SPAG16: variants seen among roughly 807,000 people sequenced by gnomAD.
The protein encoded by SPAG16 is sperm associated antigen 16.
SPAG16 carries 86 observed loss-of-function variants against 80.4 expected under a neutral mutation model. The observed-to-expected ratio is 1.07, with a 90% confidence interval of 0.90 to 1.28. The LOEUF (loss-of-function observed/expected upper bound fraction) is 1.28. SPAG16 is among the 50% of genes most tolerant of loss of function. The pLI is 0.00. For synonymous variants in SPAG16, 294 were observed against 265.9 expected (o/e 1.11, Z -1.03); for missense variants, 870 against 765.3 (o/e 1.14, Z -1.61).
At chr2:213,516,154 A>G (rs2075415508) in intron 10 of SPAG16, among the ~76,000 whole-genome samples, 1 of 152,224 alleles carries the variant, frequency 6.6e-6, no homozygotes, top group South Asian at 2.1e-4. Context: ...GCTCAAAGGA[A>G]AAATTCAGCT....
chr2:214,383,588 A>G (rs1162606171), intron 15 of SPAG16, among the ~76,000 whole-genome samples: 6 of 150,694 alleles, frequency 4.0e-5, no homozygotes, highest in African/African-American at 1.2e-4. Context: ...AAGAAAAAAG[A>G]AAAAAAAAGA....
chr2:213,695,729 A>G (rs1302756695), intron 10 of SPAG16, among the ~76,000 whole-genome samples: 3 of 152,232 alleles, frequency 2.0e-5, no homozygotes, highest in Non-Finnish European at 2.9e-5. Flanking sequence ...TTCACAGGAA[A>G]GAATAAGCAC....
chr2:214,263,441 G>A (rs1413943117), intron 15 of SPAG16, among the ~76,000 whole-genome samples: 1 of 152,140 alleles, frequency 6.6e-6, no homozygotes, highest in Non-Finnish European at 1.5e-5. Context: ...CTTGATAGAA[G>A]CATATATCTT....
intron 1 of SPAG16, among the ~76,000 whole-genome samples, chr2:213,285,711 G>A (rs563847193): frequency 6.6e-6 from 1 of 152,310 alleles, no homozygotes; most frequent in South Asian, 2.1e-4. Context: ...ATTTTATTGG[G>A]TGCAAAAACG....
At chr2:213,630,436 C>T (rs1301396776) in intron 10 of SPAG16, among the ~76,000 whole-genome samples, 1 of 151,388 alleles carries the variant, frequency 6.6e-6, no homozygotes, top group Non-Finnish European at 1.5e-5. Context: ...ATATTGAGGG[C>T]ATAAGTTTCA....
intron 13 of SPAG16, among the ~76,000 whole-genome samples, chr2:214,087,996 T>G (rs1416803702): frequency 6.6e-6 from 1 of 151,730 alleles, no homozygotes; most frequent in Non-Finnish European, 1.5e-5. Context: ...TTAAAAGACC[T>G]GATATGTAAA....
At chr2:214,384,942 T>C (rs1700663556) in intron 15 of SPAG16, among the ~76,000 whole-genome samples, 1 of 152,208 alleles carries the variant, frequency 6.6e-6, no homozygotes, top group South Asian at 2.1e-4. Flanking sequence ...CTCCTTTCCA[T>C]ATTCACTGTC....
At chr2:213,325,085 T>C (rs968306278) in intron 5 of SPAG16, among the ~76,000 whole-genome samples, 1 of 152,096 alleles carries the variant, frequency 6.6e-6, no homozygotes, top group African/African-American at 2.4e-5. Flanking sequence ...TTTTGCTTGC[T>C]GATCTTATAA....
intron 10 of SPAG16, among the ~76,000 whole-genome samples, chr2:213,577,918 G>A (rs1008251441): frequency 6.6e-6 from 1 of 151,924 alleles, no homozygotes; most frequent in Admixed American, 6.6e-5. Flanking sequence ...TGCCTTTTAT[G>A]TTTGCTCTAT....
In SPAG16 at chr2:213,809,992, C is replaced by T. The variant is rs1050673902; in HGVS notation, c.1071-52493C>T. Among the ~76,000 whole-genome samples the T allele has an allele frequency of 2.6e-5, 4 of 152,088 alleles. No homozygotes were observed. The East Asian group carries it at 5.8e-4, about 22-fold the overall frequency. ...GATAAACCATACACCATGGCACCCA[C>T]GCATCGTACGAAAAGGATAGAAGCC... On this transcript the variant is annotated intron_variant, in intron 10 of 15. Coordinates refer to ENST00000331683, the MANE Select transcript of SPAG16 (RefSeq NM_024532.5).
At chr2:213,970,756 A>G (rs1368272236) in intron 12 of SPAG16, among the ~76,000 whole-genome samples, 1 of 152,262 alleles carries the variant, frequency 6.6e-6, no homozygotes, top group Non-Finnish European at 1.5e-5. Flanking sequence ...AACAATTCAC[A>G]TAATATGTAC....
At chr2:214,014,329 C>G in intron 13 of SPAG16, among the ~76,000 whole-genome samples, 1 of 152,134 alleles carries the variant, frequency 6.6e-6, no homozygotes, top group Non-Finnish European at 1.5e-5. Flanking sequence ...GCGATAGAAG[C>G]TCTGCTGGTT....
chr2:214,308,067 C>A (rs899961947), intron 15 of SPAG16, among the ~76,000 whole-genome samples: 3 of 151,080 alleles, frequency 2.0e-5, no homozygotes, highest in African/African-American at 7.3e-5. Context: ...GAATCTGGGT[C>A]CTCCTGTGTT....
chr2:213,399,740 A>T (rs1443035741), intron 9 of SPAG16, among the ~76,000 whole-genome samples: 1 of 151,960 alleles, frequency 6.6e-6, no homozygotes, highest in Non-Finnish European at 1.5e-5. Context: ...CCTTAAATGT[A>T]TGGTAGAAGT....
chr2:213,313,281 A>T (rs2063273306), intron 4 of SPAG16, among the ~76,000 whole-genome samples: 1 of 151,934 alleles, frequency 6.6e-6, no homozygotes, highest in African/African-American at 2.4e-5. Context: ...TTAAATTTTT[A>T]AAACAAAATT....
At chr2:213,843,852 A>G (rs1295877404) in intron 10 of SPAG16, among the ~76,000 whole-genome samples, 1 of 152,168 alleles carries the variant, frequency 6.6e-6, no homozygotes, top group South Asian at 2.1e-4. Context: ...CTCCATCTCA[A>G]AAAACAAACA....
At chr2:213,709,843 G>A (rs6748512) in intron 10 of SPAG16, among the ~76,000 whole-genome samples, 10,105 of 152,084 alleles carry the variant, frequency 0.066, 1,053 homozygotes, top group African/African-American at 0.22. Context: ...AGAATACACA[G>A]GTTTGACCAT....
At chr2:213,639,252 G>A (rs1243708855) in intron 10 of SPAG16, among the ~76,000 whole-genome samples, 1 of 152,156 alleles carries the variant, frequency 6.6e-6, no homozygotes, top group Admixed American at 6.5e-5. Context: ...AGTTAGTATT[G>A]AGATATGAGG....
At chr2:213,651,259 G>A (rs1284212104) in intron 10 of SPAG16, among the ~76,000 whole-genome samples, 1 of 152,108 alleles carries the variant, frequency 6.6e-6, no homozygotes, top group African/African-American at 2.4e-5. Flanking sequence ...TTTGATACTG[G>A]TGCTTGAAGA....
Sources: allele counts gnomAD v4.1 joint callset (sites outside exome capture counted in the v4.1 genomes callset), GRCh38; gene constraint gnomAD v4.1.1; transcripts MANE v1.5; gene names NCBI Gene and HGNC (gene_info 2026-07-23, HGNC 2026-07-21).